The following SLC8A1 variants were observed in gnomAD, a reference collection of about 807,000 sequenced individuals.
SLC8A1 encodes solute carrier family 8 member A1.
A neutral mutation model predicts 68.3 loss-of-function variants in SLC8A1; 18 were observed. The ratio of observed to expected loss-of-function variants is 0.26; its 90% CI spans 0.18 to 0.39. SLC8A1 has a LOEUF of 0.39. SLC8A1 is among the 10% of genes least tolerant of loss of function. The pLI is 1.00. For synonymous variants in SLC8A1, 475 were observed against 415.5 expected, an observed-to-expected ratio of 1.14 and a Z score of -1.74; for missense variants, 985 against 1,156.7, an observed-to-expected ratio of 0.85 and a Z score of 2.15.
intron 2 of SLC8A1, among the ~76,000 whole-genome samples, chr2:40,181,691 C>A (rs1244258977): frequency 6.6e-6 from 1 of 152,156 alleles, no homozygotes; most frequent in African/African-American, 2.4e-5. Context: ...TATGAATTAG[C>A]CCTTTAAATC....
intron 2 of SLC8A1, among the ~76,000 whole-genome samples, chr2:40,249,344 A>G (rs2062376766): frequency 6.6e-6 from 1 of 152,230 alleles, no homozygotes; most frequent in African/African-American, 2.4e-5. Flanking sequence ...AGTGGTTGCA[A>G]AACTTTTAAG....
chr2:40,487,118 A>C (rs940278264), intron 1 of SLC8A1, among the ~76,000 whole-genome samples: 1 of 151,984 alleles, frequency 6.6e-6, no homozygotes, highest in Non-Finnish European at 1.5e-5. Context: ...TTAAATGTCC[A>C]CTTCATTTTT....
intron 2 of SLC8A1, among the ~76,000 whole-genome samples, chr2:40,298,882 C>T (rs536021677): frequency 6.6e-6 from 1 of 152,332 alleles, no homozygotes; most frequent in East Asian, 1.9e-4. Flanking sequence ...TAGATGTTCA[C>T]ACTCTGGCCT....
chr2:40,311,206 A>G (rs1318660537), intron 2 of SLC8A1, among the ~76,000 whole-genome samples: 1 of 152,142 alleles, frequency 6.6e-6, no homozygotes. Context: ...ATGCACATAA[A>G]TATCACGTGA....
At chr2:40,504,560 T>C (rs1211395641) in intron 1 of SLC8A1, among the ~76,000 whole-genome samples, 1 of 152,006 alleles carries the variant, frequency 6.6e-6, no homozygotes, top group Non-Finnish European at 1.5e-5. Context: ...AAATTACCCA[T>C]CTGACAAGGA....
chr2:40,165,034 G>T, intron 4 of SLC8A1, 50 bp from the exon 8 acceptor site: 2 of 1,607,976 alleles, frequency 1.2e-6, no homozygotes, highest in Non-Finnish European at 1.7e-6. Flanking sequence ...GTTTAATTTG[G>T]AAATCCCTGG....
intron 7 of SLC8A1, among the ~76,000 whole-genome samples, chr2:40,132,280 C>G (rs1488978767): frequency 6.6e-6 from 1 of 152,026 alleles, no homozygotes; most frequent in East Asian, 1.9e-4. Flanking sequence ...AGTTTACCAT[C>G]CCTACAAACT....
exon 8 of SLC8A1, chr2:40,099,814 A>G (rs1264188462): frequency 3.3e-5 from 5 of 152,028 alleles, no homozygotes; most frequent in African/African-American, 1.2e-4. Context: ...GTAACCATCA[A>G]AGGCAAGAGA....
exon 8 of SLC8A1, chr2:40,104,812 A>G (rs1053704869): frequency 6.6e-6 from 1 of 152,178 alleles, no homozygotes; most frequent in African/African-American, 2.4e-5. Context: ...TTGACTGTAT[A>G]GTTTATGAGC....
chr2:40,319,040 G>A (rs956238020), intron 2 of SLC8A1, among the ~76,000 whole-genome samples: 3 of 152,100 alleles, frequency 2.0e-5, no homozygotes, highest in Admixed American at 6.6e-5. Flanking sequence ...GATTTGGAAA[G>A]TGAGACAGGA....
At chr2:40,439,095 A>G (rs185282237) in intron 1 of SLC8A1, among the ~76,000 whole-genome samples, 1,844 of 152,160 alleles carry the variant, frequency 0.012, 13 homozygotes, top group Middle Eastern at 0.024. Flanking sequence ...TGTGTCCAGG[A>G]GGTGGGGGAC....
At chr2:40,350,949 T>G (rs1294440047) in intron 2 of SLC8A1, among the ~76,000 whole-genome samples, 3 of 152,168 alleles carry the variant, frequency 2.0e-5, no homozygotes, top group Non-Finnish European at 4.4e-5. Flanking sequence ...GGCATGAGGC[T>G]AGTATATGGC....
At chr2:40,206,760 A>G (rs2055533538) in intron 2 of SLC8A1, among the ~76,000 whole-genome samples, 1 of 152,030 alleles carries the variant, frequency 6.6e-6, no homozygotes, top group Admixed American at 6.6e-5. Context: ...GTTTGAAGGA[A>G]GTGAAGAATC....
intron 2 of SLC8A1, among the ~76,000 whole-genome samples, chr2:40,196,165 T>G (rs2052976469): frequency 6.6e-6 from 1 of 151,934 alleles, no homozygotes; most frequent in South Asian, 2.1e-4. Flanking sequence ...AATAGCTGAC[T>G]TGTGTTGTGA....
chr2:40,150,919 G>A (rs1162081810), intron 6 of SLC8A1, among the ~76,000 whole-genome samples: 3 of 152,102 alleles, frequency 2.0e-5, no homozygotes, highest in Non-Finnish European at 2.9e-5. Flanking sequence ...TAGATCGACA[G>A]ATATCCTAAA....
At chr2:40,220,856 A>G (rs2058225388) in intron 2 of SLC8A1, among the ~76,000 whole-genome samples, 1 of 151,976 alleles carries the variant, frequency 6.6e-6, no homozygotes, top group Non-Finnish European at 1.5e-5. Flanking sequence ...ACTTCTTAAT[A>G]GTTGAATTTT....
At chr2:40,227,255 GGACC>G (rs1340106067) in intron 2 of SLC8A1, among the ~76,000 whole-genome samples, 1 of 67,566 alleles carries the variant, frequency 1.5e-5, no homozygotes, top group African/African-American at 4.3e-5. Context: ...TGAAAACAGG[GGACC>G]TATCTATCTG....
chr2:40,261,746 A>ACT (rs1304084398), intron 2 of SLC8A1, among the ~76,000 whole-genome samples: 1 of 151,766 alleles, frequency 6.6e-6, no homozygotes, highest in Non-Finnish European at 1.5e-5. Flanking sequence ...CGTAAGTGCC[A>ACT]CAGTCGTTGC....
intron 2 of SLC8A1, among the ~76,000 whole-genome samples, chr2:40,375,798 T>C (rs1031790982): frequency 2.6e-5 from 4 of 152,060 alleles, no homozygotes; most frequent in African/African-American, 9.7e-5. Context: ...AGCTCGAAAG[T>C]TGAAGACCAG....
Sources: allele counts gnomAD v4.1 joint callset (sites outside exome capture counted in the v4.1 genomes callset), GRCh38; gene constraint gnomAD v4.1.1; transcripts MANE v1.5; gene names NCBI Gene and HGNC (gene_info 2026-07-23, HGNC 2026-07-21).